Variants in NLGN1 observed in about 807,000 individuals in gnomAD.
NLGN1 encodes the protein neuroligin-1.
NLGN1 carries 12 observed loss-of-function variants against 65.5 expected under a neutral mutation model. The ratio of observed to expected loss-of-function variants is 0.18; its 90% CI spans 0.12 to 0.30. NLGN1 has a LOEUF of 0.30. Ranked by LOEUF, NLGN1 falls within the 10% of genes least tolerant of loss-of-function variation. The pLI is 1.00. For missense variants in NLGN1, 750 were observed against 1,007.1 expected, an observed-to-expected ratio of 0.74 and a Z score of 3.46; for synonymous variants, 350 against 359.5, an observed-to-expected ratio of 0.97 and a Z score of 0.30.
intron 4 of NLGN1, among the ~76,000 whole-genome samples, chr3:174,158,111 G>A (rs1445121466): frequency 6.6e-6 from 1 of 151,696 alleles, no homozygotes; most frequent in Non-Finnish European, 1.5e-5. Context: ...TCGGACGAAA[G>A]AACAGCAGTA....
chr3:173,808,178 C>T (rs146950032), intron 4 of NLGN1, among the ~76,000 whole-genome samples: 1 of 152,008 alleles, frequency 6.6e-6, no homozygotes, highest in East Asian at 1.9e-4. Flanking sequence ...TGAGGTTTGG[C>T]GTGAGCTAAG....
chr3:174,042,614 G>A (rs1278376872), intron 4 of NLGN1, among the ~76,000 whole-genome samples: 2 of 152,122 alleles, frequency 1.3e-5, no homozygotes, highest in Non-Finnish European at 2.9e-5. Flanking sequence ...TTTACCTAAC[G>A]AAAAATAATA....
At chr3:173,604,695 A>T in exon 3 of NLGN1, 2 of 1,613,714 alleles carry the variant, frequency 1.2e-6, no homozygotes, top group Non-Finnish European at 1.7e-6. Flanking sequence ...GACTCTCTGT[A>T]TGTTGGGATG....
chr3:173,421,390 A>G (rs1715019531), intron 1 of NLGN1, among the ~76,000 whole-genome samples: 1 of 151,938 alleles, frequency 6.6e-6, no homozygotes, highest in Admixed American at 6.6e-5. Flanking sequence ...TACAATTGCC[A>G]TCAAAATTAG....
At chr3:173,603,873 TTTA>T (rs1177685605) in intron 2 of NLGN1, among the ~76,000 whole-genome samples, 1 of 152,108 alleles carries the variant, frequency 6.6e-6, no homozygotes, top group African/African-American at 2.4e-5. Context: ...GTTCTGCTAG[TTTA>T]CTGCCAGTTT....
In NLGN1 at chr3:174,274,739, T is replaced by C. The variant is rs147686563; in HGVS notation, c.647-576T>C. ...TCATCTCTGACACAGTAATTCTTTC[T>C]TAATCATTGATCATCATTGATAAAA... On this transcript the variant is annotated intron_variant, in intron 4 of 6. Coordinates refer to ENST00000457714, the Ensembl canonical transcript of NLGN1. 6.4e-4 allele frequency among the ~76,000 whole-genome samples: 97 copies of C among 152,030 alleles called. 1 individual carries two copies. In the East Asian group the frequency reaches 0.018, roughly 27 times the overall value.
intron 4 of NLGN1, among the ~76,000 whole-genome samples, chr3:174,051,199 A>G: frequency 6.6e-6 from 1 of 152,098 alleles, no homozygotes; most frequent in East Asian, 1.9e-4. Context: ...AAAGTAACTT[A>G]GTGACTCACC....
chr3:174,235,788 G>C (rs1741590253), intron 4 of NLGN1, among the ~76,000 whole-genome samples: 1 of 152,138 alleles, frequency 6.6e-6, no homozygotes, highest in Middle Eastern at 3.2e-3. Flanking sequence ...TCTTCTAAAA[G>C]AGTAGAACTA....
chr3:174,114,574 A>G (rs1175349298), intron 4 of NLGN1, among the ~76,000 whole-genome samples: 2 of 152,182 alleles, frequency 1.3e-5, no homozygotes, highest in East Asian at 3.8e-4. Flanking sequence ...TTTCAAATAC[A>G]ACAAAAAGGT....
At chr3:173,749,575 C>G (rs921910071) in intron 3 of NLGN1, among the ~76,000 whole-genome samples, 1 of 151,938 alleles carries the variant, frequency 6.6e-6, no homozygotes, top group Non-Finnish European at 1.5e-5. Flanking sequence ...GAAAGACTCC[C>G]CTTCCAAAAT....
chr3:174,228,609 C>A (rs1740141902), intron 4 of NLGN1, among the ~76,000 whole-genome samples: 1 of 152,038 alleles, frequency 6.6e-6, no homozygotes, highest in Non-Finnish European at 1.5e-5. Flanking sequence ...CATTTTAATT[C>A]TATGTTAATA....
chr3:174,148,265 T>C (rs1561158566), intron 4 of NLGN1, among the ~76,000 whole-genome samples: 1 of 152,184 alleles, frequency 6.6e-6, no homozygotes, highest in Admixed American at 6.5e-5. Context: ...TCAGTTTTAG[T>C]AGCTTAGATT....
intron 4 of NLGN1, among the ~76,000 whole-genome samples, chr3:173,864,584 A>T (rs1701608476): frequency 6.6e-6 from 1 of 152,218 alleles, no homozygotes; most frequent in African/African-American, 2.4e-5. Flanking sequence ...TCTCAAAAAC[A>T]TTCTTAATTT....
chr3:173,972,635 A>G (rs1374127355), intron 4 of NLGN1, among the ~76,000 whole-genome samples: 2 of 152,116 alleles, frequency 1.3e-5, no homozygotes, highest in Non-Finnish European at 1.5e-5. Context: ...AAGAACAGAA[A>G]TAAATGAGGA....
rs140360199 is a variant in NLGN1 at position 174,250,109 on chromosome 3, C to CT, written c.647-25198dup. ...TCATTATTAAAATATTAAGTGCACACTTTTTTTTCAGGACAAAGCCCTTAA... is the reference window on the plus strand; with the variant it reads ...TCATTATTAAAATATTAAGTGCACACTTTTTTTTTCAGGACAAAGCCCTTAA... On this transcript the variant is annotated intron_variant, in intron 4 of 6. Coordinates refer to ENST00000457714, the Ensembl canonical transcript of NLGN1. Among the ~76,000 whole-genome samples, 121 of 152,002 alleles carry CT rather than the reference C, an allele frequency of 8.0e-4. 1 individual carries two copies. Among genetic ancestry groups the CT allele is most frequent in the Non-Finnish European group, 1.1e-3 (78 of 67,970 alleles).
rs143869995 is a variant in NLGN1 at position 173,533,842 on chromosome 3, C to T, written c.-320-70437C>T. Among the ~76,000 whole-genome samples, 155 of 152,114 alleles carry T rather than the reference C, an allele frequency of 1.0e-3. 1 individual carries two copies. The highest frequency in any genetic ancestry group is 6.8e-3 in the Middle Eastern group (2 of 294). Reference sequence around the variant, plus strand: ...ACTAAAAACACAAAAATTAACCAGACCTCGTGATGCGCGCCTATAGTCTCA... The same window carrying T: ...ACTAAAAACACAAAAATTAACCAGATCTCGTGATGCGCGCCTATAGTCTCA... On this transcript the variant is annotated intron_variant, in intron 2 of 6. Coordinates refer to ENST00000457714, the Ensembl canonical transcript of NLGN1.
intron 4 of NLGN1, among the ~76,000 whole-genome samples, chr3:173,939,452 T>A (rs1230196260): frequency 1.2e-4 from 19 of 152,136 alleles, no homozygotes; most frequent in Non-Finnish European, 7.4e-5. Flanking sequence ...ACAGGTTCCC[T>A]GGACAGCACA....
At chr3:174,216,190 C>T (rs1199343386) in intron 4 of NLGN1, among the ~76,000 whole-genome samples, 12 of 152,124 alleles carry the variant, frequency 7.9e-5, no homozygotes, top group Admixed American at 7.9e-4. Flanking sequence ...AGGCCAGGAT[C>T]TGGACTCCTC....
At chr3:174,266,566 A>G (rs1016817399) in intron 4 of NLGN1, among the ~76,000 whole-genome samples, 2 of 152,272 alleles carry the variant, frequency 1.3e-5, no homozygotes, top group African/African-American at 4.8e-5. Context: ...TCCTTTGAGT[A>G]TATACCCGGT....
Sources: allele counts gnomAD v4.1 joint callset (sites outside exome capture counted in the v4.1 genomes callset), GRCh38; gene constraint gnomAD v4.1.1; transcripts MANE v1.5; gene names NCBI Gene and HGNC (gene_info 2026-07-23, HGNC 2026-07-21).